LCLAT1: variants seen among roughly 807,000 people sequenced by gnomAD.
The protein encoded by LCLAT1 is 1-AGP acyltransferase 8.
LCLAT1 carries 11 observed loss-of-function variants against 30.7 expected under a neutral mutation model. The ratio of observed to expected loss-of-function variants is 0.36; its 90% CI spans 0.23 to 0.59. The LOEUF is 0.59. LCLAT1 is among the 20% of genes least tolerant of loss of function. LCLAT1 has a pLI of 0.77. For missense variants in LCLAT1, 402 were observed against 458.6 expected, an observed-to-expected ratio of 0.88 and a Z score of 1.13; for synonymous variants, 155 against 151.3, an observed-to-expected ratio of 1.02 and a Z score of -0.18.
intron 1 of LCLAT1, among the ~76,000 whole-genome samples, chr2:30,507,690 A>G (rs1684737958): frequency 6.6e-6 from 1 of 152,052 alleles, no homozygotes; most frequent in Non-Finnish European, 1.5e-5. Context: ...TTTGTACCAC[A>G]TTTTCTTTAT....
intron 1 of LCLAT1, among the ~76,000 whole-genome samples, chr2:30,524,726 G>C (rs1572570078): frequency 1.3e-5 from 2 of 149,868 alleles, no homozygotes; most frequent in African/African-American, 4.9e-5. Context: ...AGCAGTGCTT[G>C]TGTTCAAGGA....
chr2:30,537,870 A>G (rs1377301329), intron 3 of LCLAT1, among the ~76,000 whole-genome samples: 1 of 152,234 alleles, frequency 6.6e-6, no homozygotes, highest in East Asian at 1.9e-4. Context: ...AATCGAAATT[A>G]TGTTAAGTAT....
chr2:30,553,801 G>A (rs1470366312), intron 3 of LCLAT1, among the ~76,000 whole-genome samples: 2 of 151,722 alleles, frequency 1.3e-5, no homozygotes, highest in African/African-American at 4.8e-5. Flanking sequence ...CGGCCTGGGC[G>A]ACAGAGCGAG....
At chr2:30,452,488 T>C (rs1681606037) in intron 1 of LCLAT1, among the ~76,000 whole-genome samples, 1 of 152,154 alleles carries the variant, frequency 6.6e-6, no homozygotes, top group Admixed American at 6.5e-5. Context: ...GGTCACAAAA[T>C]TATGCCCCAA....
chr2:30,622,581 AGGTGCT>A (rs1558562826), intron 5 of LCLAT1, among the ~76,000 whole-genome samples: 1 of 152,326 alleles, frequency 6.6e-6, no homozygotes, highest in East Asian at 1.9e-4. Flanking sequence ...CCACCAGAGC[AGGTGCT>A]GGTATCCACG....
At chr2:30,517,951 A>G (rs149634772) in intron 1 of LCLAT1, among the ~76,000 whole-genome samples, 2,415 of 152,268 alleles carry the variant, frequency 0.016, 144 homozygotes, top group Admixed American at 0.12. Context: ...GCCACTGACA[A>G]CCCGTAGCCT....
At chr2:30,581,734 A>G (rs917060531) in intron 5 of LCLAT1, among the ~76,000 whole-genome samples, 2 of 152,206 alleles carry the variant, frequency 1.3e-5, no homozygotes, top group African/African-American at 4.8e-5. Context: ...AGAGAGTAGA[A>G]TAGTGGTTAC....
intron 1 of LCLAT1, among the ~76,000 whole-genome samples, chr2:30,473,659 T>A (rs562540386): frequency 5.6e-4 from 85 of 152,352 alleles, no homozygotes; most frequent in Non-Finnish European, 8.7e-4. Context: ...AAATTATTTT[T>A]TTAAATCATC....
intron 5 of LCLAT1, among the ~76,000 whole-genome samples, chr2:30,571,143 C>T (rs1238378097): frequency 6.6e-6 from 1 of 152,154 alleles, no homozygotes; most frequent in Non-Finnish European, 1.5e-5. Context: ...ATACTTAGCT[C>T]ATATGCTTAA....
Position 30,459,563 on chromosome 2 carries a change from G to T in LCLAT1, c.-5+12180G>T, listed in dbSNP as rs752900992. On this transcript the variant is annotated intron_variant, in intron 1 of 5. Coordinates refer to ENST00000379509, the MANE Select transcript of LCLAT1 (RefSeq NM_001002257.3). ...TGTCCTGTTCACAGGCTGAAAAACA[G>T]AGTGGGTACTCTCTTCTGGGAAGCT... is the stretch of plus-strand genomic sequence containing the variant. The T allele has an allele frequency of 7.8e-6, 10 of 1,282,484 alleles. 1 individual carries two copies. The South Asian group carries it at 1.1e-4, about 14-fold the overall frequency. 79.4% of individuals were successfully genotyped at this position (1,282,484 alleles called of 1,614,324 possible). A position where few individuals can be genotyped will look rare whatever the true frequency, so the allele number is the denominator to read the frequency against.
chr2:30,585,781 A>G (rs79547173), intron 5 of LCLAT1, among the ~76,000 whole-genome samples: 19,305 of 152,126 alleles, frequency 0.13, 1,352 homozygotes, highest in South Asian at 0.23. Context: ...GCACACAGTC[A>G]GCAGAAGTGC....
chr2:30,591,884 G>A lies in LCLAT1; in HGVS notation c.628+23708G>A, dbSNP rs561235259. ...CTTCTTAGAAACTTTCTTGCCTCAC[G>A]CCTTCTACCATAGTTAGTCACTCCT... On this transcript the variant is annotated intron_variant, in intron 5 of 5. Coordinates refer to ENST00000379509, the MANE Select transcript of LCLAT1 (RefSeq NM_001002257.3). Among the ~76,000 whole-genome samples the A allele has an allele frequency of 4.8e-4, 73 of 152,116 alleles. 2 individuals carry two copies. In the South Asian group the frequency reaches 0.011, roughly 23 times the overall value.
intron 1 of LCLAT1, among the ~76,000 whole-genome samples, chr2:30,497,993 G>A (rs553853428): frequency 2.2e-4 from 33 of 152,308 alleles, no homozygotes; most frequent in African/African-American, 7.5e-4. Context: ...TTTAAATCCT[G>A]ACTCTGCTGC....
intron 5 of LCLAT1, among the ~76,000 whole-genome samples, chr2:30,631,478 C>T (rs892346497): frequency 6.6e-6 from 1 of 152,198 alleles, no homozygotes; most frequent in East Asian, 1.9e-4. Context: ...CCCTACACCA[C>T]ACTTGGCATC....
At chr2:30,460,297 T>G (rs569695634) in intron 1 of LCLAT1, among the ~76,000 whole-genome samples, 1 of 152,312 alleles carries the variant, frequency 6.6e-6, no homozygotes, top group South Asian at 2.1e-4. Context: ...TCAGTCTCAA[T>G]TTGATTAAAA....
At chr2:30,464,758 T>G (rs1200434584) in intron 1 of LCLAT1, among the ~76,000 whole-genome samples, 1 of 152,218 alleles carries the variant, frequency 6.6e-6, no homozygotes, top group African/African-American at 2.4e-5. Flanking sequence ...TTGCAGTGTC[T>G]AGGGTCAGAA....
At chr2:30,594,989 G>A (rs1412667202) in intron 5 of LCLAT1, among the ~76,000 whole-genome samples, 4 of 152,104 alleles carry the variant, frequency 2.6e-5, no homozygotes, top group Non-Finnish European at 5.9e-5. Flanking sequence ...ATAATTGCCT[G>A]TTGACTTTAT....
intron 4 of LCLAT1, among the ~76,000 whole-genome samples, chr2:30,567,722 A>T (rs141837459): frequency 6.6e-6 from 1 of 152,162 alleles, no homozygotes. Context: ...CACTATGATA[A>T]ATTTTAAAAC....
intron 5 of LCLAT1, among the ~76,000 whole-genome samples, chr2:30,614,700 G>T (rs202041184): frequency 6.6e-6 from 1 of 152,164 alleles, no homozygotes; most frequent in East Asian, 1.9e-4. Context: ...AAAGGAGAGA[G>T]GCAGGAGATA....
Sources: allele counts gnomAD v4.1 joint callset (sites outside exome capture counted in the v4.1 genomes callset), GRCh38; gene constraint gnomAD v4.1.1; transcripts MANE v1.5; gene names NCBI Gene and HGNC (gene_info 2026-07-23, HGNC 2026-07-21).